ANO4: variants seen among roughly 807,000 people sequenced by gnomAD.
ANO4 encodes anoctamin 4.
A neutral mutation model predicts 141.9 loss-of-function variants in ANO4; 69 were observed. That is an observed-to-expected ratio of 0.49 (90% confidence interval 0.40 to 0.59). The LOEUF is 0.59. Among genes scored for constraint, ANO4 ranks in the 20% least tolerant of loss-of-function variants. The pLI, the probability that ANO4 is intolerant of heterozygous loss-of-function variation, is 0.00. For synonymous variants in ANO4, 350 were observed against 394.3 expected, an observed-to-expected ratio of 0.89 and a Z score of 1.33; for missense variants, 894 against 1,162.2, an observed-to-expected ratio of 0.77 and a Z score of 3.36.
intron 22 of ANO4, among the ~76,000 whole-genome samples, chr12:101,102,843 G>T (rs186768465): frequency 1.3e-5 from 2 of 151,514 alleles, no homozygotes; most frequent in African/African-American, 4.8e-5. Context: ...CCATGAAAAT[G>T]GTATACCTTT....
At chr12:100,848,863 T>C (rs2037720962) in intron 1 of ANO4, among the ~76,000 whole-genome samples, 1 of 152,240 alleles carries the variant, frequency 6.6e-6, no homozygotes, top group Non-Finnish European at 1.5e-5. Context: ...GCTCTCCTGG[T>C]GCCTTATCTC....
At chr12:100,770,266 A>C (rs563926708) in intron 3 of ANO4, among the ~76,000 whole-genome samples, 2 of 152,304 alleles carry the variant, frequency 1.3e-5, no homozygotes, top group South Asian at 4.1e-4. Flanking sequence ...TTCTTACCCC[A>C]GATGTACTAA....
At chr12:100,748,147 T>TG (rs1293395179) in intron 3 of ANO4, among the ~76,000 whole-genome samples, 1 of 152,188 alleles carries the variant, frequency 6.6e-6, no homozygotes. Flanking sequence ...CCCAATGTTA[T>TG]GTTGCTATGA....
intron 8 of ANO4, among the ~76,000 whole-genome samples, chr12:101,009,053 G>A (rs1352805115): frequency 2.6e-5 from 4 of 152,038 alleles, no homozygotes; most frequent in Non-Finnish European, 5.9e-5. Context: ...CATGCATACT[G>A]TTATGGGTCA....
intron 14 of ANO4, among the ~76,000 whole-genome samples, chr12:101,064,865 C>T (rs753561071): frequency 6.6e-6 from 1 of 152,076 alleles, no homozygotes; most frequent in Non-Finnish European, 1.5e-5. Context: ...CATTGTCCTG[C>T]TCCCTCCCAC....
chr12:101,099,821 A>G, intron 22 of ANO4, 101 bp downstream of exon 22: 1 of 991,670 alleles, frequency 1.0e-6, no homozygotes, highest in Non-Finnish European at 1.4e-6. Flanking sequence ...CTCAGTGCGT[A>G]GGGATTCCTA....
chr12:101,042,852 G>A (rs545203513), intron 12 of ANO4, among the ~76,000 whole-genome samples: 1 of 152,270 alleles, frequency 6.6e-6, no homozygotes, highest in South Asian at 2.1e-4. Context: ...GAGCCAGAAA[G>A]ACATCTCACC....
intron 1 of ANO4, among the ~76,000 whole-genome samples, chr12:100,858,005 A>G (rs1347253844): frequency 6.6e-6 from 1 of 152,190 alleles, no homozygotes; most frequent in African/African-American, 2.4e-5. Context: ...ATGAAAACAT[A>G]ATTTCTATCA....
At chr12:100,938,959 C>T (rs1428834581) in intron 3 of ANO4, among the ~76,000 whole-genome samples, 2 of 152,150 alleles carry the variant, frequency 1.3e-5, no homozygotes, top group Non-Finnish European at 2.9e-5. Context: ...TATAGGTCAT[C>T]TCCAACCCTT....
chr12:100,958,371 T>C (rs965550888), intron 5 of ANO4, among the ~76,000 whole-genome samples: 1 of 152,240 alleles, frequency 6.6e-6, no homozygotes, highest in Non-Finnish European at 1.5e-5. Context: ...CTTTCTTTCA[T>C]TGATTCAATT....
intron 14 of ANO4, among the ~76,000 whole-genome samples, chr12:101,055,560 A>G (rs540741531): frequency 6.6e-5 from 10 of 152,280 alleles, no homozygotes; most frequent in African/African-American, 2.2e-4. Flanking sequence ...GTACTTTTAT[A>G]TATTCTAGGT....
chr12:100,861,659 A>AT (rs969060011), intron 1 of ANO4, among the ~76,000 whole-genome samples: 66 of 152,214 alleles, frequency 4.3e-4, no homozygotes, highest in African/African-American at 1.5e-3. Flanking sequence ...CTAAGGTTAA[A>AT]TTTTTTTGTT....
chr12:100,962,723 A>G (rs2043479854), intron 5 of ANO4, among the ~76,000 whole-genome samples: 1 of 152,204 alleles, frequency 6.6e-6, no homozygotes, highest in Non-Finnish European at 1.5e-5. Context: ...ACCCTCACAC[A>G]ACACAGTGGC....
At chr12:101,027,762 C>A (rs1051671265) in intron 9 of ANO4, among the ~76,000 whole-genome samples, 1 of 152,276 alleles carries the variant, frequency 6.6e-6, no homozygotes, top group African/African-American at 2.4e-5. Flanking sequence ...TCTCTGCAGA[C>A]CAGCAGACTT....
chr12:100,935,520 T>C (rs1030820120), intron 3 of ANO4, among the ~76,000 whole-genome samples: 7 of 152,226 alleles, frequency 4.6e-5, no homozygotes, highest in Admixed American at 3.3e-4. Context: ...ACCAGGCAGA[T>C]AATTATCAAA....
chr12:101,053,889 A>G lies in ANO4; in HGVS notation c.1312+5488A>G, dbSNP rs533791394. 2.6e-5 allele frequency among the ~76,000 whole-genome samples: 4 copies of G among 152,328 alleles called. No homozygotes were observed. In the South Asian group the frequency reaches 8.3e-4, roughly 32 times the overall value. On this transcript the variant is annotated intron_variant, in intron 14 of 27. Transcript: ENST00000392977. Reference sequence around the variant, plus strand: ...TGGCTTCACGCTGTAAGCAACAGAAAGCCAACTGGAGTTATAATCCGGGAA... The same window carrying G: ...TGGCTTCACGCTGTAAGCAACAGAAGGCCAACTGGAGTTATAATCCGGGAA...
Position 101,119,525 on chromosome 12 carries a change from A to G in ANO4, c.2571-995A>G, listed in dbSNP as rs533427209. On this transcript the variant is annotated intron_variant, in intron 25 of 27. Coordinates refer to ENST00000392977, the MANE Select transcript of ANO4 (RefSeq NM_001286615.2). ...TACTTATATGCTATATAAAACAACC[A>G]TAATATAGTCACACTAGAGTCTATT... Among the ~76,000 whole-genome samples, 140 of 152,312 alleles carry G rather than the reference A, an allele frequency of 9.2e-4. 1 individual carries two copies. Among genetic ancestry groups the G allele is most frequent in the Non-Finnish European group, 1.7e-3 (114 of 68,030 alleles).
intron 1 of ANO4, among the ~76,000 whole-genome samples, chr12:100,891,330 A>G (rs1454910128): frequency 6.6e-6 from 1 of 152,204 alleles, no homozygotes; most frequent in Admixed American, 6.5e-5. Flanking sequence ...TCACTTGGGT[A>G]AATACCAAGG....
chr12:101,128,632 T>G (rs1463929649), downstream of ANO4: 1 of 152,628 alleles, frequency 6.6e-6, no homozygotes, highest in Non-Finnish European at 1.5e-5. Context: ...ACATGGAATA[T>G]TTTCAGCTGG....
Sources: allele counts gnomAD v4.1 joint callset (sites outside exome capture counted in the v4.1 genomes callset), GRCh38; gene constraint gnomAD v4.1.1; transcripts MANE v1.5; gene names NCBI Gene and HGNC (gene_info 2026-07-23, HGNC 2026-07-21).